The following FHIT variants were observed in gnomAD, a reference collection of about 807,000 sequenced individuals.
The protein encoded by FHIT is fragile histidine triad diadenosine triphosphatase.
A neutral mutation model predicts 17.9 loss-of-function variants in FHIT; 19 were observed. The observed-to-expected ratio is 1.06, with a 90% CI of 0.74 to 1.56. The LOEUF (loss-of-function observed/expected upper bound fraction) is 1.56, where lower values mean the gene tolerates loss of function less well. FHIT is among the 40% of genes most tolerant of loss of function. FHIT has a pLI of 0.00. For synonymous variants in FHIT, 81 were observed against 69.7 expected (o/e 1.16, Z -0.81); for missense variants, 248 against 189.2 (o/e 1.31, Z -1.82).
intron 5 of FHIT, among the ~76,000 whole-genome samples, chr3:60,403,267 T>C (rs973342184): frequency 1.3e-5 from 2 of 152,210 alleles, no homozygotes; most frequent in African/African-American, 4.8e-5. Flanking sequence ...TCAAGAGTAC[T>C]GGTTGTTAAA....
intron 5 of FHIT, among the ~76,000 whole-genome samples, chr3:60,334,841 G>A (rs1478594098): frequency 4.6e-5 from 7 of 152,124 alleles, no homozygotes; most frequent in East Asian, 1.9e-4. Context: ...TTGATTAAAC[G>A]AACTATCTGT....
intron 4 of FHIT, among the ~76,000 whole-genome samples, chr3:60,580,962 A>G (rs1348649849): frequency 6.6e-6 from 1 of 152,046 alleles, no homozygotes; most frequent in Non-Finnish European, 1.5e-5. Context: ...AAGCTTTTAA[A>G]ATGCAGATTC....
At chr3:60,850,126 G>T (rs1330026433) in intron 3 of FHIT, among the ~76,000 whole-genome samples, 3 of 151,886 alleles carry the variant, frequency 2.0e-5, no homozygotes, top group East Asian at 3.9e-4. Flanking sequence ...TGCTTGAGGG[G>T]GCATTTAGGA....
chr3:60,316,569 C>T (rs1709175731), intron 5 of FHIT, among the ~76,000 whole-genome samples: 1 of 152,162 alleles, frequency 6.6e-6, no homozygotes, highest in South Asian at 2.1e-4. Context: ...GAAATATCTG[C>T]CAGTTTCCTT....
rs1052506681 is a variant in FHIT at position 59,994,409 on chromosome 3, T to C, written c.279+16962A>G. Among the ~76,000 whole-genome samples, 3 of 152,018 alleles carry C rather than the reference T, an allele frequency of 2.0e-5. No individual in the cohort carries two copies. In the East Asian group the frequency reaches 5.8e-4, roughly 29 times the overall value. On this transcript the variant is annotated intron_variant, in intron 7 of 9. Transcript: ENST00000492590. The stretch of plus-strand genomic sequence containing the variant: ...CATTAGCACATAATCACAGAAGAAG[T>C]TCTCTTGACACCATTTCTGCCAAAG...
At chr3:60,585,296 G>A (rs575609873) in intron 4 of FHIT, among the ~76,000 whole-genome samples, 9 of 152,048 alleles carry the variant, frequency 5.9e-5, no homozygotes, top group Non-Finnish European at 8.8e-5. Flanking sequence ...TCAGAGATAC[G>A]TAGATTCAAA....
chr3:60,876,833 T>C (rs1374917), intron 3 of FHIT, among the ~76,000 whole-genome samples: 148,557 of 152,246 alleles, frequency 0.98, 72,585 homozygotes, highest in East Asian at 1. Context: ...AGGAGAGTGC[T>C]AGAATACATC....
At chr3:61,014,090 C>T (rs958545314) in intron 3 of FHIT, among the ~76,000 whole-genome samples, 1 of 152,172 alleles carries the variant, frequency 6.6e-6, no homozygotes, top group African/African-American at 2.4e-5. Flanking sequence ...CTCTGCATGA[C>T]TTTCCAGATT....
At chr3:59,998,630 A>C (rs1039560069) in intron 7 of FHIT, among the ~76,000 whole-genome samples, 1 of 152,110 alleles carries the variant, frequency 6.6e-6, no homozygotes, top group African/African-American at 2.4e-5. Flanking sequence ...AGAAAGTAAC[A>C]AGTGGTTCTC....
At chr3:60,410,855 C>G (rs1205011516) in intron 5 of FHIT, among the ~76,000 whole-genome samples, 1 of 152,146 alleles carries the variant, frequency 6.6e-6, no homozygotes, top group Non-Finnish European at 1.5e-5. Context: ...CCTGCAAACA[C>G]AGACACCACA....
chr3:59,960,398 A>G (rs1707615015), intron 7 of FHIT, among the ~76,000 whole-genome samples: 1 of 152,218 alleles, frequency 6.6e-6, no homozygotes, highest in Non-Finnish European at 1.5e-5. Context: ...GATAATCCCT[A>G]GATTTCTGAC....
intron 5 of FHIT, among the ~76,000 whole-genome samples, chr3:60,226,493 A>AAAAAAAC (rs200934161): frequency 2.7e-5 from 4 of 147,146 alleles, no homozygotes; most frequent in African/African-American, 1.1e-4. Context: ...AAAAAAAAAA[A>AAAAAAAC]ACACTGCCTG....
intron 3 of FHIT, among the ~76,000 whole-genome samples, chr3:60,830,871 T>C (rs1382372381): frequency 6.6e-6 from 1 of 152,112 alleles, no homozygotes; most frequent in Non-Finnish European, 1.5e-5. Context: ...TATTAAAACA[T>C]CTCATCCTTG....
intron 4 of FHIT, among the ~76,000 whole-genome samples, chr3:60,656,397 T>A (rs782425032): frequency 6.6e-5 from 10 of 152,198 alleles, no homozygotes; most frequent in Non-Finnish European, 1.5e-5. Context: ...GGGCAAGATT[T>A]GTTTTTCCTC....
chr3:60,030,747 G>A (rs778767265), intron 5 of FHIT, among the ~76,000 whole-genome samples: 2 of 152,070 alleles, frequency 1.3e-5, no homozygotes, highest in Non-Finnish European at 2.9e-5. Flanking sequence ...ATGCATGGAC[G>A]GATGGTAGAT....
intron 5 of FHIT, among the ~76,000 whole-genome samples, chr3:60,390,728 A>G (rs1701196192): frequency 6.6e-6 from 1 of 152,128 alleles, no homozygotes; most frequent in African/African-American, 2.4e-5. Context: ...AAAACTTTAA[A>G]AAGAAAAAAA....
intron 5 of FHIT, among the ~76,000 whole-genome samples, chr3:60,078,902 CTTTT>C: frequency 6.9e-6 from 1 of 145,884 alleles, no homozygotes; most frequent in South Asian, 2.2e-4. Flanking sequence ...ATGCTTGCAA[CTTTT>C]TTTTTTTGCA....
At chr3:60,885,103 T>C (rs971805665) in intron 3 of FHIT, among the ~76,000 whole-genome samples, 1 of 151,960 alleles carries the variant, frequency 6.6e-6, no homozygotes, top group Non-Finnish European at 1.5e-5. Flanking sequence ...GACAGCTAGA[T>C]AGAAGGAATA....
At chr3:60,399,555 G>A (rs978703285) in intron 5 of FHIT, among the ~76,000 whole-genome samples, 13 of 152,092 alleles carry the variant, frequency 8.5e-5, no homozygotes, top group Admixed American at 2.6e-4. Context: ...TTTCGTGGTC[G>A]GTAGGCAGTT....
Sources: gnomAD v4.1 joint callset for allele counts (sites outside exome capture counted in the v4.1 genomes callset) on GRCh38, gnomAD v4.1.1 for gene constraint, MANE v1.5 for transcripts, NCBI Gene and HGNC (gene_info 2026-07-23, HGNC 2026-07-21) for gene names.